The following FNDC3A variants were observed in gnomAD, a reference collection of about 807,000 sequenced individuals.
FNDC3A encodes fibronectin type III domain containing 3A.
In FNDC3A, 32 loss-of-function variants were observed where a neutral mutation model predicts 148.9. The ratio of observed to expected loss-of-function variants is 0.21; its 90% CI spans 0.16 to 0.29. FNDC3A has a LOEUF of 0.29. FNDC3A is among the 10% of genes least tolerant of loss of function. The pLI is 1.00. For missense variants in FNDC3A, 1,191 were observed against 1,452.8 expected (o/e 0.82, Z 2.93); for synonymous variants, 472 against 473.6 (o/e 1.00, Z 0.04).
At chr13:49,006,537 C>T (rs1021544962) in intron 2 of FNDC3A, among the ~76,000 whole-genome samples, 2 of 151,852 alleles carry the variant, frequency 1.3e-5, no homozygotes, top group East Asian at 3.9e-4. Context: ...TTTTTGTTTT[C>T]CTTTAGACAA....
chr13:49,112,946 G>C (rs188724947), intron 3 of FNDC3A, among the ~76,000 whole-genome samples: 105 of 152,138 alleles, frequency 6.9e-4, no homozygotes, highest in African/African-American at 2.3e-3. Flanking sequence ...TTCACAGCCA[G>C]ATATTATATA....
intron 23 of FNDC3A, 50 bp from the exon 24 acceptor site, chr13:49,201,750 A>G: frequency 1.1e-6 from 1 of 886,140 alleles, no homozygotes; most frequent in Admixed American, 3.0e-5. Flanking sequence ...CACTTTAATA[A>G]GGTATCATAA....
chr13:49,098,271 C>T (rs79804376), intron 3 of FNDC3A, among the ~76,000 whole-genome samples: 1 of 152,066 alleles, frequency 6.6e-6, no homozygotes, highest in South Asian at 2.1e-4. Context: ...TGCTTTGTCA[C>T]TTGAGCAGTT....
intron 1 of FNDC3A, among the ~76,000 whole-genome samples, chr13:48,986,690 C>A (rs904944213): frequency 3.3e-5 from 5 of 152,014 alleles, no homozygotes; most frequent in African/African-American, 9.7e-5. Context: ...GCCACTGCGC[C>A]TGGCCCGGAA....
At chr13:49,054,393 C>T (rs1259276976) in intron 2 of FNDC3A, among the ~76,000 whole-genome samples, 2 of 152,144 alleles carry the variant, frequency 1.3e-5, no homozygotes, top group East Asian at 1.9e-4. Context: ...AAGATACATT[C>T]AGGACTATTC....
intron 24 of FNDC3A, 144 bp from the exon 25 acceptor site, chr13:49,203,013 A>C: frequency 1.6e-6 from 1 of 614,556 alleles, no homozygotes; most frequent in Non-Finnish European, 2.8e-6. Flanking sequence ...CTTTGGATGC[A>C]AATTTCAAAA....
intron 2 of FNDC3A, among the ~76,000 whole-genome samples, chr13:49,069,028 A>C (rs970533621): frequency 6.6e-6 from 1 of 152,210 alleles, no homozygotes; most frequent in African/African-American, 2.4e-5. Flanking sequence ...CTTATATAAC[A>C]AACCTACACG....
At chr13:49,202,017 T>G in intron 24 of FNDC3A, 51 bp downstream of exon 24, 2 of 1,167,198 alleles carry the variant, frequency 1.7e-6, no homozygotes, top group Non-Finnish European at 2.3e-6. Context: ...TACTTTTTAA[T>G]GTATTTTCAT....
chr13:48,999,607 C>G (rs1028914249), intron 1 of FNDC3A, among the ~76,000 whole-genome samples: 20 of 151,840 alleles, frequency 1.3e-4, no homozygotes, highest in African/African-American at 4.4e-4. Flanking sequence ...GGTCAGGGGC[C>G]GAATATTATA....
chr13:49,144,200 GA>G (rs1028623534), intron 7 of FNDC3A, among the ~76,000 whole-genome samples: 8 of 149,202 alleles, frequency 5.4e-5, no homozygotes, highest in South Asian at 2.1e-4. Context: ...TTTTAAAAAA[GA>G]AAAAAAAACC....
intron 4 of FNDC3A, among the ~76,000 whole-genome samples, chr13:49,121,721 T>C (rs1399427146): frequency 6.6e-6 from 1 of 152,028 alleles, no homozygotes; most frequent in Non-Finnish European, 1.5e-5. Flanking sequence ...TATAAACACC[T>C]CTATGCAAAT....
intron 1 of FNDC3A, among the ~76,000 whole-genome samples, chr13:48,979,944 A>G (rs747221354): frequency 1.5e-4 from 23 of 152,182 alleles, no homozygotes; most frequent in Non-Finnish European, 3.1e-4. Flanking sequence ...GCTGACTGCT[A>G]GGTAATAATT....
chr13:49,003,823 A>G (rs1259924819), intron 1 of FNDC3A, among the ~76,000 whole-genome samples: 1 of 152,230 alleles, frequency 6.6e-6, no homozygotes, highest in Non-Finnish European at 1.5e-5. Context: ...AGAGTCTGCA[A>G]CTGTTTATTT....
At chr13:49,177,024 C>A (rs1258027246) in intron 13 of FNDC3A, among the ~76,000 whole-genome samples, 1 of 152,212 alleles carries the variant, frequency 6.6e-6, no homozygotes, top group East Asian at 1.9e-4. Context: ...TCTCACACTC[C>A]TAGGCTCAAG....
chr13:49,036,954 T>C (rs1257214525), intron 2 of FNDC3A, among the ~76,000 whole-genome samples: 2 of 152,148 alleles, frequency 1.3e-5, no homozygotes, highest in Non-Finnish European at 2.9e-5. Context: ...TATTGACCAT[T>C]AGAACACTAC....
chr13:49,053,909 G>A (rs1373059659), intron 2 of FNDC3A, among the ~76,000 whole-genome samples: 2 of 152,196 alleles, frequency 1.3e-5, no homozygotes, highest in African/African-American at 4.8e-5. Flanking sequence ...AAATATGTCA[G>A]AGAAACATAT....
chr13:49,062,578 C>T (rs1441240731), intron 2 of FNDC3A, among the ~76,000 whole-genome samples: 2 of 152,174 alleles, frequency 1.3e-5, no homozygotes, highest in Non-Finnish European at 2.9e-5. Context: ...ATTATATGTG[C>T]CCTCTCCTTG....
At chr13:49,098,004 G>A (rs1879639502) in intron 3 of FNDC3A, among the ~76,000 whole-genome samples, 1 of 152,012 alleles carries the variant, frequency 6.6e-6, no homozygotes, top group South Asian at 2.1e-4. Flanking sequence ...ATCTGCAGAA[G>A]ATAGTCTAAA....
intron 11 of FNDC3A, among the ~76,000 whole-genome samples, chr13:49,174,107 G>A (rs983477607): frequency 6.6e-6 from 1 of 152,064 alleles, no homozygotes; most frequent in African/African-American, 2.4e-5. Flanking sequence ...ATCAAAGATC[G>A]TCACCCCATT....
Sources: allele counts gnomAD v4.1 joint callset (sites outside exome capture counted in the v4.1 genomes callset), GRCh38; gene constraint gnomAD v4.1.1; transcripts MANE v1.5; gene names NCBI Gene and HGNC (gene_info 2026-07-23, HGNC 2026-07-21).